The following LRRC18 variants were observed in gnomAD, a reference collection of about 807,000 sequenced individuals.
The protein encoded by LRRC18 is leucine rich repeat containing 18.
Under a neutral mutation model 11.2 loss-of-function variants are expected in LRRC18, and 12 were observed. The ratio of observed to expected loss-of-function variants is 1.07; its 90% CI spans 0.69 to 1.74. LRRC18 has a LOEUF of 1.74. LRRC18 is among the 40% of genes most tolerant of loss of function. The pLI is 0.00. For missense variants in LRRC18, 374 were observed against 330.5 expected (o/e 1.13, Z -1.02); for synonymous variants, 155 against 130.6 (o/e 1.19, Z -1.27).
exon 1 of LRRC18, chr10:48,914,047 T>C (rs1375312990): frequency 1.2e-6 from 2 of 1,614,206 alleles, no homozygotes; most frequent in Non-Finnish European, 1.7e-6. Flanking sequence ...GTAATTCCCA[T>C]CTTGCTCAAG....
the LRRC18 span, among the ~76,000 whole-genome samples, chr10:48,939,284 T>A: frequency 6.6e-6 from 1 of 152,220 alleles, no homozygotes; most frequent in Non-Finnish European, 1.5e-5. Context: ...GGACCACGCC[T>A]GTTGAGTAGC....
At chr10:48,930,021 C>G in the LRRC18 span, among the ~76,000 whole-genome samples, 1 of 152,132 alleles carries the variant, frequency 6.6e-6, no homozygotes, top group Non-Finnish European at 1.5e-5. Flanking sequence ...ATCCCCCATT[C>G]TCCTCCCCCA....
At chr10:48,939,703 T>G in the LRRC18 span, among the ~76,000 whole-genome samples, 2 of 152,228 alleles carry the variant, frequency 1.3e-5, no homozygotes, top group African/African-American at 4.8e-5. Flanking sequence ...CACCTTCAGA[T>G]TAATATGATT....
At chr10:48,936,859 A>G in the LRRC18 span, among the ~76,000 whole-genome samples, 51 of 151,828 alleles carry the variant, frequency 3.4e-4, no homozygotes, top group Non-Finnish European at 7.2e-4. Context: ...AAAGAAAAAA[A>G]AAGAAAATTA....
intron 1 of LRRC18, among the ~76,000 whole-genome samples, chr10:48,912,117 A>G (rs537293473): frequency 6.6e-6 from 1 of 152,384 alleles, no homozygotes; most frequent in East Asian, 1.9e-4. Flanking sequence ...TGAAGGTGTG[A>G]GAGTGTGGTA....
chr10:48,933,743 C>T, the LRRC18 span, among the ~76,000 whole-genome samples: 4 of 152,090 alleles, frequency 2.6e-5, no homozygotes, highest in Non-Finnish European at 4.4e-5. Context: ...TGAGAGTTGG[C>T]GATGGGGCTG....
upstream of LRRC18, among the ~76,000 whole-genome samples, chr10:48,919,122 G>C (rs1838818845): frequency 6.6e-6 from 1 of 151,948 alleles, no homozygotes; most frequent in African/African-American, 2.4e-5. Flanking sequence ...GTACAAAAAA[G>C]TACAAGCTGG....
chr10:48,933,972 G>T, the LRRC18 span, among the ~76,000 whole-genome samples: 2 of 152,122 alleles, frequency 1.3e-5, no homozygotes, highest in Non-Finnish European at 2.9e-5. Flanking sequence ...AAACCGGTCT[G>T]CAGACAACCA....
chr10:48,917,021 T>C (rs117930853), upstream of LRRC18, among the ~76,000 whole-genome samples: 21 of 152,272 alleles, frequency 1.4e-4, no homozygotes, highest in East Asian at 3.3e-3. Context: ...CAGGTTTAGA[T>C]ACACAAATAC....
the LRRC18 span, among the ~76,000 whole-genome samples, chr10:48,922,685 C>A: frequency 1.3e-5 from 2 of 152,078 alleles, no homozygotes; most frequent in Non-Finnish European, 2.9e-5. Context: ...TGTGGGTAAG[C>A]GAGGACTGTG....
the LRRC18 span, among the ~76,000 whole-genome samples, chr10:48,931,116 C>T: frequency 6.6e-6 from 1 of 151,950 alleles, no homozygotes. Context: ...CACACACACA[C>T]ACACACACAC....
chr10:48,912,629 CTGAGTAAGG>C (rs1838110847), intron 1 of LRRC18, among the ~76,000 whole-genome samples: 2 of 152,224 alleles, frequency 1.3e-5, no homozygotes, highest in African/African-American at 4.8e-5. Flanking sequence ...TAGCATGGTG[CTGAGTAAGG>C]TGTTGATTTA....
chr10:48,910,089 A>G (rs1837861158), exon 2 of LRRC18: 1 of 695,822 alleles, frequency 1.4e-6, no homozygotes, highest in Admixed American at 2.1e-5. Flanking sequence ...GAATTTGAGA[A>G]GCAAGTCGGT....
chr10:48,936,634 G>A, the LRRC18 span, among the ~76,000 whole-genome samples: 2 of 151,840 alleles, frequency 1.3e-5, no homozygotes, highest in South Asian at 2.1e-4. Context: ...TCTGGAGATC[G>A]AGACCATCCC....
At chr10:48,912,874 A>G (rs1207598696) in intron 1 of LRRC18, among the ~76,000 whole-genome samples, 1 of 152,240 alleles carries the variant, frequency 6.6e-6, no homozygotes, top group Non-Finnish European at 1.5e-5. Context: ...TGCCTTAATA[A>G]TAAAACCTGC....
intron 1 of LRRC18, among the ~76,000 whole-genome samples, chr10:48,911,283 C>T (rs552498839): frequency 8.5e-5 from 13 of 152,302 alleles, no homozygotes; most frequent in African/African-American, 2.9e-4. Context: ...GTGCTTAGTG[C>T]TGGCAAGGAT....
the LRRC18 span, among the ~76,000 whole-genome samples, chr10:48,933,230 AG>A: frequency 5.1e-3 from 776 of 152,312 alleles, 7 homozygotes; most frequent in African/African-American, 0.018. Flanking sequence ...GAACTGCTAG[AG>A]GGGCCTAGCA....
chr10:48,928,260 T>G, the LRRC18 span, among the ~76,000 whole-genome samples: 2 of 152,012 alleles, frequency 1.3e-5, no homozygotes, highest in African/African-American at 4.8e-5. Context: ...CCCCACAAGC[T>G]TCAGCCTGAA....
the LRRC18 span, among the ~76,000 whole-genome samples, chr10:48,939,761 C>G: frequency 2.0e-5 from 3 of 152,102 alleles, no homozygotes; most frequent in Non-Finnish European, 4.4e-5. Flanking sequence ...GTTAGGTGTC[C>G]TGGAACTGCT....
Sources: gnomAD v4.1 joint callset for allele counts (sites outside exome capture counted in the v4.1 genomes callset) on GRCh38, gnomAD v4.1.1 for gene constraint, MANE v1.5 for transcripts, NCBI Gene and HGNC (gene_info 2026-07-23, HGNC 2026-07-21) for gene names.